BMP1: variants seen among roughly 807,000 people sequenced by gnomAD.
The protein encoded by BMP1 is mammalian tolloid protein.
A neutral mutation model predicts 116.8 loss-of-function variants in BMP1; 63 were observed. The ratio of observed to expected loss-of-function variants is 0.54; its 90% CI spans 0.44 to 0.67. The LOEUF (loss-of-function observed/expected upper bound fraction) is 0.67, where lower values mean the gene tolerates loss of function less well. Ranked by LOEUF, BMP1 falls within the 30% of genes least tolerant of loss-of-function variation. The pLI is 0.00. For synonymous variants in BMP1, 536 were observed against 533.4 expected, an observed-to-expected ratio of 1.00 and a Z score of -0.07; for missense variants, 1,183 against 1,358.9, an observed-to-expected ratio of 0.87 and a Z score of 2.04.
intron 8 of BMP1, among the ~76,000 whole-genome samples, chr8:22,182,026 CACACAG>C (rs1288862715): frequency 6.6e-6 from 1 of 152,196 alleles, no homozygotes; most frequent in Non-Finnish European, 1.5e-5. Flanking sequence ...CCGGTCTTTT[CACACAG>C]ACTCTGGACC....
chr8:22,184,045 A>G (rs982862960), intron 8 of BMP1, among the ~76,000 whole-genome samples: 15 of 152,244 alleles, frequency 9.9e-5, no homozygotes, highest in African/African-American at 3.6e-4. Context: ...GGTGATTTCA[A>G]TACTATGTGT....
intron 8 of BMP1, among the ~76,000 whole-genome samples, chr8:22,188,453 A>G (rs1343566686): frequency 6.6e-6 from 1 of 152,134 alleles, no homozygotes; most frequent in East Asian, 1.9e-4. Context: ...TACAGGCATA[A>G]GCCACCGCAC....
chr8:22,196,902 G>T, intron 14 of BMP1, 62 bp downstream of exon 14: 3 of 1,544,626 alleles, frequency 1.9e-6, no homozygotes, highest in East Asian at 4.6e-5. Flanking sequence ...ATTCAGCTCA[G>T]TGCCTGCTTC....
intron 15 of BMP1, 33 bp from the exon 16 acceptor site, chr8:22,201,770 A>G (rs751419808): frequency 1.2e-6 from 2 of 1,610,276 alleles, no homozygotes; most frequent in East Asian, 2.2e-5. Flanking sequence ...CCCTGCACAG[A>G]CCCAGCGTCT....
rs2131908179 is a variant in BMP1 at position 22,212,069 on chromosome 8, G to A, written c.*341G>A. ...TCCCTGTGTCTCTACACGCTGTATT[G>A]TGTATCACCGGGGGCATTATTTTCA... On this transcript the variant is annotated 3_prime_UTR_variant, in exon 20 of 20. Coordinates refer to ENST00000306385, the MANE Select transcript of BMP1 (RefSeq NM_006129.5). The A allele has an allele frequency of 3.3e-6, 1 of 298,864 alleles. No individual in the cohort carries two copies. Among genetic ancestry groups the A allele is most frequent in the Non-Finnish European group, 6.4e-6 (1 of 155,674 alleles). 18.5% of individuals were successfully genotyped at this position (298,864 alleles called of 1,614,324 possible). A position where few individuals can be genotyped will look rare whatever the true frequency, so the allele number is the denominator to read the frequency against.
At position 22,207,294 on chromosome 8, in the gene BMP1, T is replaced by C. The variant is rs749975919; in HGVS notation, c.2362-9T>C. The C allele has an allele frequency of 3.7e-6, 6 of 1,603,920 alleles. No individual in the cohort carries two copies. In the Admixed American group the frequency reaches 5.0e-5, roughly 13 times the overall value. Reference sequence around the variant, plus strand: ...ATTTTTAATCTGTGCTCCTTCCTCATCCCCCTAGACCTTCATGGAGATGGA... The same window carrying C: ...ATTTTTAATCTGTGCTCCTTCCTCACCCCCCTAGACCTTCATGGAGATGGA... On this transcript the variant is annotated splice_polypyrimidine_tract_variant and intron_variant, in intron 17 of 19. Transcript: ENST00000306385.
chr8:22,183,425 A>G (rs950666165), intron 8 of BMP1, among the ~76,000 whole-genome samples: 1 of 152,156 alleles, frequency 6.6e-6, no homozygotes. Flanking sequence ...CAAAACAACA[A>G]CAAAAAATTA....
Position 22,201,849 on chromosome 8 carries a change from C to T in BMP1, c.2154C>T (p.Cys718=), listed in dbSNP as rs61729095. The T allele has an allele frequency of 4.4e-4, 708 of 1,613,782 alleles. 4 individuals carry two copies. In the African/African-American group the frequency reaches 8.1e-3, roughly 18 times the overall value. ...ATAACGGCGGCTGCCAGCAGGACTG[C>T]GTCAACACGTTCGGCAGTTATGAGT... ...SKDNGGCQQD[C]VNTFGSYECQ... The change falls in exon 16 of 20, where the codon TGC becomes TGT. Residue 718 remains cysteine (C), a synonymous_variant. Transcript: ENST00000306385.
chr8:22,190,831 C>T (rs945448431), intron 8 of BMP1, among the ~76,000 whole-genome samples: 5 of 152,176 alleles, frequency 3.3e-5, no homozygotes, highest in African/African-American at 1.2e-4. Flanking sequence ...GGCAGACGGT[C>T]CCCTTCTCTA....
In BMP1 at chr8:22,179,865, G is replaced by C; in HGVS notation, c.961+36G>C. ...AGAAGGGATGGGTGAGGGCGTGGAG[G>C]GCAGGGCCTGAGGGAGGCAGAGGCC... is the stretch of plus-strand genomic sequence containing the variant. On this transcript the variant is annotated intron_variant, in intron 7 of 19. Transcript: ENST00000306385. This position sits in a 1 kb window ranked among gnomAD's most constrained non-coding sequence, Gnocchi z 4.6. The C allele has an allele frequency of 6.3e-7, 1 of 1,592,940 alleles. No homozygotes were observed. Among genetic ancestry groups the C allele is most frequent in the Non-Finnish European group, 8.6e-7 (1 of 1,166,590 alleles).
intron 18 of BMP1, among the ~76,000 whole-genome samples, chr8:22,209,082 C>G (rs1482879261): frequency 5.9e-5 from 9 of 152,364 alleles, no homozygotes; most frequent in Admixed American, 2.0e-4. Flanking sequence ...TGTACGGCTT[C>G]TCTCTTGAAA....
In BMP1 at chr8:22,179,634, A is replaced by T; in HGVS notation, c.837-71A>T. On this transcript the variant is annotated intron_variant, in intron 6 of 19. Transcript: ENST00000306385. This position sits in a 1 kb window ranked among gnomAD's most constrained non-coding sequence, Gnocchi z 4.6. ...GCAGGGTCGTGACTTGTGGGTACAG[A>T]TGGGCATGCCACCCACTCCCTGCCC... The T allele has an allele frequency of 6.2e-7, 1 of 1,605,944 alleles. No homozygotes were observed. The highest frequency in any genetic ancestry group is 8.5e-7 in the Non-Finnish European group (1 of 1,175,428).
intron 2 of BMP1, 91 bp from the exon 3 acceptor site, chr8:22,176,052 G>A: frequency 7.2e-7 from 1 of 1,382,094 alleles, no homozygotes; most frequent in Non-Finnish European, 9.9e-7. Flanking sequence ...AAATTTGCAA[G>A]CACAGAATCC....
intron 8 of BMP1, among the ~76,000 whole-genome samples, chr8:22,182,932 C>A (rs1828664754): frequency 6.6e-6 from 1 of 152,216 alleles, no homozygotes; most frequent in Non-Finnish European, 1.5e-5. Context: ...GGGCTCTCCT[C>A]CTTCTATGTT....
In BMP1 at chr8:22,201,913, C is replaced by T. The variant is rs1269741917; in HGVS notation, c.2218C>T (p.His740Tyr). ...TGGCTTCGTCCTCCATGACAACAAGCACGACTGCAAAGAAGGTACGGGCTG... is the reference window on the plus strand; with the variant it reads ...TGGCTTCGTCCTCCATGACAACAAGTACGACTGCAAAGAAGGTACGGGCTG... ...RSGFVLHDNK[H>Y]DCKEAGCDHK... The change falls in exon 16 of 20, where the codon CAC becomes TAC. Residue 740 changes from histidine to tyrosine, a missense_variant. Transcript: ENST00000306385. The T allele has an allele frequency of 6.2e-7, 1 of 1,613,374 alleles. No individual in the cohort carries two copies.
chr8:22,176,228 C>T lies in BMP1; in HGVS notation c.348C>T (p.Ser116=), dbSNP rs757850887. ...CCTGTGGGAGATGGAGAGGTAGATC[C>T]CGTAGCCGGCGGGCGGCGACGTCCC... ...RGACGRWRGR[S]RSRRAATSRP... is the part of the protein sequence containing the mutation. The change falls in exon 3 of 20, where the codon TCC becomes TCT. Residue 116 remains serine (S), a synonymous_variant. Coordinates refer to ENST00000306385, the MANE Select transcript of BMP1 (RefSeq NM_006129.5). The T allele has an allele frequency of 6.2e-7, 1 of 1,613,982 alleles. No homozygotes were observed. The highest frequency in any genetic ancestry group is 1.7e-5 in the Admixed American group (1 of 59,976).
At position 22,177,959 on chromosome 8, in the gene BMP1, T is replaced by G; in HGVS notation, c.836+2T>G. 1 of 1,604,512 alleles carries G rather than the reference T, an allele frequency of 6.2e-7. No homozygotes were observed. The highest frequency in any genetic ancestry group is 1.1e-5 in the South Asian group (1 of 90,516). ...TTACGCTCGGAACACATTCTCCAGG[T>G]GGGAGACGGGATTGGGGCTGGGCCT... On this transcript the variant is annotated splice_donor_variant, in intron 6 of 19. Coordinates refer to ENST00000306385, the MANE Select transcript of BMP1 (RefSeq NM_006129.5). LOFTEE classifies it high-confidence loss of function.
At chr8:22,201,372 G>T in intron 15 of BMP1, 2 of 1,467,714 alleles carry the variant, frequency 1.4e-6, no homozygotes, top group South Asian at 2.8e-5. Flanking sequence ...GCCCGTCCGC[G>T]GACCGGGGAC....
At position 22,165,561 on chromosome 8, in the gene BMP1, C is replaced by A. The variant is rs767778995; in HGVS notation, c.148+8C>A. 3 of 1,568,966 alleles carry A rather than the reference C, an allele frequency of 1.9e-6. No individual in the cohort carries two copies. Among genetic ancestry groups the A allele is most frequent in the East Asian group, 2.5e-5 (1 of 40,190 alleles). The stretch of plus-strand genomic sequence containing the variant: ...AAGACCCCTGCAAGGCGGGTGAGCG[C>A]CCCCCGGCCCCCCGGCGACGGGCCA... On this transcript the variant is annotated splice_region_variant and intron_variant, in intron 1 of 19. Transcript: ENST00000306385.
Sources: gnomAD v4.1 joint callset for allele counts (sites outside exome capture counted in the v4.1 genomes callset) on GRCh38, gnomAD v4.1.1 for gene constraint, Gnocchi (gnomAD v3.1) non-coding constraint, MANE v1.5 for transcripts, NCBI Gene and HGNC (gene_info 2026-07-23, HGNC 2026-07-21) for gene names.